Variants in GMDS observed in about 807,000 individuals in gnomAD.
The protein encoded by GMDS is GDP-mannose 4,6 dehydratase.
In GMDS, 20 loss-of-function variants were observed where a neutral mutation model predicts 49.9. That is an observed-to-expected ratio of 0.40 (90% CI 0.28 to 0.58). The LOEUF (loss-of-function observed/expected upper bound fraction) is 0.58, where lower values mean the gene tolerates loss of function less well. GMDS is among the 20% of genes least tolerant of loss of function. The probability of loss-of-function intolerance (pLI) is 0.42; values close to 1 mark genes in which losing one functional copy is unlikely to be tolerated. For missense variants in GMDS, 362 were observed against 481.4 expected, an observed-to-expected ratio of 0.75 and a Z score of 2.32; for synonymous variants, 177 against 178.6, an observed-to-expected ratio of 0.99 and a Z score of 0.07.
At chr6:1,938,943 C>T (rs529813389) in intron 6 of GMDS, among the ~76,000 whole-genome samples, 3 of 150,198 alleles carry the variant, frequency 2.0e-5, no homozygotes, top group South Asian at 4.3e-4. Flanking sequence ...CCCTTCCTTC[C>T]TCCCTTCTTT....
At position 2,034,698 on chromosome 6, in the gene GMDS, A is replaced by T. The variant is rs193299070; in HGVS notation, c.346-73732T>A. Among the ~76,000 whole-genome samples the T allele has an allele frequency of 1.2e-4, 18 of 152,326 alleles. No individual in the cohort carries two copies. The East Asian group carries it at 2.1e-3, about 18-fold the overall frequency. The stretch of plus-strand genomic sequence containing the variant: ...TGGAAGTCCAGAGAGTGTCCAAGAC[A>T]CTTCTGGGGTGTCTGCGAAGCCAAA... On this transcript the variant is annotated intron_variant, in intron 4 of 10. Transcript: ENST00000380815.
At chr6:2,201,212 T>C (rs1278426412) in intron 1 of GMDS, among the ~76,000 whole-genome samples, 1 of 117,796 alleles carries the variant, frequency 8.5e-6, no homozygotes, top group African/African-American at 3.4e-5. Context: ...GAGCACCACA[T>C]GGACATCCGA....
intron 7 of GMDS, among the ~76,000 whole-genome samples, chr6:1,762,712 T>C (rs920781458): frequency 1.3e-5 from 2 of 152,260 alleles, no homozygotes; most frequent in African/African-American, 4.8e-5. Flanking sequence ...AGAAACACGC[T>C]GGGTCTTCAA....
At chr6:2,123,125 T>C (rs1232198583) in intron 2 of GMDS, among the ~76,000 whole-genome samples, 2 of 152,186 alleles carry the variant, frequency 1.3e-5, no homozygotes, top group African/African-American at 4.8e-5. Flanking sequence ...CTTCTCTGCC[T>C]TTTCCAGTAA....
At chr6:2,195,007 G>T (rs1779218802) in intron 1 of GMDS, among the ~76,000 whole-genome samples, 1 of 152,128 alleles carries the variant, frequency 6.6e-6, no homozygotes, top group African/African-American at 2.4e-5. Flanking sequence ...AAAAGAAAAA[G>T]AAAACATTAT....
intron 1 of GMDS, among the ~76,000 whole-genome samples, chr6:2,230,544 A>G (rs1242900201): frequency 6.6e-6 from 1 of 152,196 alleles, no homozygotes; most frequent in Non-Finnish European, 1.5e-5. Flanking sequence ...CATAGTAACA[A>G]TCTGGCAATA....
intron 1 of GMDS, among the ~76,000 whole-genome samples, chr6:2,156,096 G>A (rs1002171728): frequency 3.3e-5 from 5 of 152,040 alleles, no homozygotes; most frequent in African/African-American, 1.2e-4. Context: ...AATCTAAATA[G>A]ATGGATAATA....
intron 7 of GMDS, among the ~76,000 whole-genome samples, chr6:1,834,089 A>T (rs1581236856): frequency 6.6e-6 from 1 of 152,242 alleles, no homozygotes; most frequent in Admixed American, 6.5e-5. Context: ...TAGTAGTTAA[A>T]GTTCAATCCT....
intron 4 of GMDS, among the ~76,000 whole-genome samples, chr6:2,038,502 C>G (rs891949276): frequency 2.0e-5 from 3 of 152,162 alleles, no homozygotes; most frequent in Non-Finnish European, 4.4e-5. Context: ...GTTCCTTCAG[C>G]TAGCAGCAAG....
chr6:1,921,693 T>C (rs1761723421), intron 7 of GMDS, among the ~76,000 whole-genome samples: 1 of 152,220 alleles, frequency 6.6e-6, no homozygotes, highest in African/African-American at 2.4e-5. Flanking sequence ...AATAAAGCTG[T>C]TCTTTTTTCT....
At chr6:2,218,772 G>T (rs1224378226) in intron 1 of GMDS, among the ~76,000 whole-genome samples, 3 of 152,022 alleles carry the variant, frequency 2.0e-5, no homozygotes, top group East Asian at 1.9e-4. Context: ...GCTATGTTAC[G>T]TGCCAACAAC....
chr6:1,842,683 C>T (rs1757200436), intron 7 of GMDS, among the ~76,000 whole-genome samples: 1 of 152,080 alleles, frequency 6.6e-6, no homozygotes, highest in Non-Finnish European at 1.5e-5. Flanking sequence ...AGGTTAAAGC[C>T]AATTTGATTC....
chr6:2,198,434 C>T (rs1291398649), intron 1 of GMDS, among the ~76,000 whole-genome samples: 1 of 151,856 alleles, frequency 6.6e-6, no homozygotes, highest in Non-Finnish European at 1.5e-5. Flanking sequence ...ACCTTGTGTC[C>T]CCTTCAATTC....
At chr6:1,889,427 G>A (rs1009940389) in intron 7 of GMDS, among the ~76,000 whole-genome samples, 5 of 151,960 alleles carry the variant, frequency 3.3e-5, no homozygotes, top group Non-Finnish European at 5.9e-5. Flanking sequence ...GTGCTCCCAG[G>A]TTCTGCATTC....
chr6:1,929,988 C>T (rs1762213427), intron 7 of GMDS, 115 bp downstream of exon 7: 6 of 919,824 alleles, frequency 6.5e-6, no homozygotes, highest in East Asian at 2.5e-5. Context: ...ACATACCTGC[C>T]TTGGCAAAGG....
At position 1,960,758 on chromosome 6, in the gene GMDS, G is replaced by A. The variant is rs1268894970; in HGVS notation, c.538+16C>T. On this transcript the variant is annotated intron_variant, in intron 5 of 10. Transcript: ENST00000380815. ...TAACGCCACACATGTGCTCCGGTGT[G>A]CACGCATGTTCTCACCATAGGGTGA... 4 of 1,532,138 alleles carry A rather than the reference G, an allele frequency of 2.6e-6. No individual in the cohort carries two copies. Among genetic ancestry groups the A allele is most frequent in the Non-Finnish European group, 2.7e-6 (3 of 1,118,764 alleles). 94.9% of individuals were successfully genotyped at this position (1,532,138 alleles called of 1,614,324 possible).
chr6:2,137,612 G>A (rs979540663), intron 1 of GMDS, among the ~76,000 whole-genome samples: 1 of 152,194 alleles, frequency 6.6e-6, no homozygotes, highest in Non-Finnish European at 1.5e-5. Flanking sequence ...GGGATTGCAG[G>A]TGTGAGCCAC....
intron 4 of GMDS, among the ~76,000 whole-genome samples, chr6:2,066,172 C>T (rs1020987296): frequency 1.8e-4 from 27 of 150,776 alleles, no homozygotes; most frequent in African/African-American, 6.6e-4. Flanking sequence ...CCAAACTAAG[C>T]TTCATAAGTG....
intron 7 of GMDS, among the ~76,000 whole-genome samples, chr6:1,764,059 C>T (rs1768257660): frequency 6.6e-6 from 1 of 151,864 alleles, no homozygotes; most frequent in Admixed American, 6.6e-5. Flanking sequence ...CCTCGTAGTG[C>T]TACTGAGGCT....
Sources: allele counts gnomAD v4.1 joint callset (sites outside exome capture counted in the v4.1 genomes callset), GRCh38; gene constraint gnomAD v4.1.1; transcripts MANE v1.5; gene names NCBI Gene and HGNC (gene_info 2026-07-23, HGNC 2026-07-21).